KAZN: variants seen among roughly 807,000 people sequenced by gnomAD.
KAZN encodes kazrin.
Under a neutral mutation model 87.4 loss-of-function variants are expected in KAZN, and 40 were observed. That is an observed-to-expected ratio of 0.46 (90% confidence interval 0.36 to 0.60). The LOEUF (loss-of-function observed/expected upper bound fraction) is 0.60, where lower values mean the gene tolerates loss of function less well. Ranked by LOEUF, KAZN falls within the 20% of genes least tolerant of loss-of-function variation. The pLI, the probability that KAZN is intolerant of heterozygous loss-of-function variation, is 0.00. For synonymous variants in KAZN, 466 were observed against 458.3 expected, an observed-to-expected ratio of 1.02 and a Z score of -0.22; for missense variants, 898 against 1,073.9, an observed-to-expected ratio of 0.84 and a Z score of 2.29.
intron 1 of KAZN, among the ~76,000 whole-genome samples, chr1:14,812,269 G>A (rs758938407): frequency 1.3e-5 from 2 of 152,088 alleles, no homozygotes; most frequent in Admixed American, 6.6e-5. Flanking sequence ...CCATGACACG[G>A]GGCTCACAGA....
At chr1:14,906,107 C>T (rs1038772650) in intron 1 of KAZN, among the ~76,000 whole-genome samples, 5 of 151,288 alleles carry the variant, frequency 3.3e-5, no homozygotes, top group Non-Finnish European at 7.4e-5. Context: ...GCGGGGCTTG[C>T]AGTGAGCCAA....
intron 2 of KAZN, among the ~76,000 whole-genome samples, chr1:14,303,699 C>T (rs1654718613): frequency 1.3e-5 from 2 of 152,174 alleles, no homozygotes; most frequent in African/African-American, 4.8e-5. Flanking sequence ...TCTCCCTTCC[C>T]ATTTATGCCT....
chr1:14,453,501 T>G (rs867715696), intron 2 of KAZN, among the ~76,000 whole-genome samples: 1 of 152,166 alleles, frequency 6.6e-6, no homozygotes, highest in African/African-American at 2.4e-5. Flanking sequence ...TCTGGGATAC[T>G]ATGGATATAA....
chr1:14,760,455 C>T lies in KAZN; in HGVS notation c.226+161232C>T, dbSNP rs143780348. On this transcript the variant is annotated intron_variant, in intron 1 of 14. Transcript: ENST00000376030. ...TTGCACAGTGACAAACACATAGCAG[C>T]AACTCGGCACTCGCTGGCCCAGTTT... Among the ~76,000 whole-genome samples the T allele has an allele frequency of 1.1e-3, 171 of 152,330 alleles. 1 individual carries two copies. The highest frequency in any genetic ancestry group is 9.6e-3 in the Admixed American group (147 of 15,308).
intron 2 of KAZN, among the ~76,000 whole-genome samples, chr1:14,283,125 T>C (rs1416844025): frequency 6.6e-6 from 1 of 152,184 alleles, no homozygotes; most frequent in African/African-American, 2.4e-5. Context: ...TTCCTTTCTT[T>C]CTTTCTTTGT....
intron 1 of KAZN, among the ~76,000 whole-genome samples, chr1:14,685,668 T>C (rs1572220699): frequency 1.3e-5 from 2 of 152,212 alleles, no homozygotes; most frequent in African/African-American, 4.8e-5. Flanking sequence ...TTAATGAAAC[T>C]AAGGTGAAAA....
chr1:14,994,362 A>G (rs1667667791), intron 2 of KAZN, among the ~76,000 whole-genome samples: 1 of 152,148 alleles, frequency 6.6e-6, no homozygotes, highest in Non-Finnish European at 1.5e-5. Context: ...TGCGCCATAC[A>G]TTGTACCACT....
intron 1 of KAZN, among the ~76,000 whole-genome samples, chr1:14,645,602 C>G (rs1680750493): frequency 6.6e-6 from 1 of 152,156 alleles, no homozygotes; most frequent in Non-Finnish European, 1.5e-5. Flanking sequence ...ATTTTGTATC[C>G]TGAAACTTTG....
chr1:14,222,364 CCT>C (rs1647122716), intron 2 of KAZN, among the ~76,000 whole-genome samples: 1 of 152,158 alleles, frequency 6.6e-6, no homozygotes, highest in South Asian at 2.1e-4. Flanking sequence ...TCCACTCTCC[CCT>C]CTCTTGTATT....
At chr1:14,768,222 A>G (rs1644934879) in intron 1 of KAZN, among the ~76,000 whole-genome samples, 1 of 152,122 alleles carries the variant, frequency 6.6e-6, no homozygotes, top group South Asian at 2.1e-4. Context: ...GGGAAAGAGG[A>G]CTCTATTTAT....
intron 8 of KAZN, among the ~76,000 whole-genome samples, chr1:15,070,636 G>A (rs534471439): frequency 1.7e-4 from 26 of 152,314 alleles, no homozygotes; most frequent in South Asian, 1.7e-3. Flanking sequence ...AGCCTGAACC[G>A]TGGGGGACAT....
intron 2 of KAZN, among the ~76,000 whole-genome samples, chr1:15,028,496 CAG>C (rs1472483473): frequency 6.6e-6 from 1 of 152,202 alleles, no homozygotes. Flanking sequence ...GAGAAAAAAG[CAG>C]AGCTATGAGG....
rs1417223835 is a variant in KAZN at position 14,735,674 on chromosome 1, C to G, written c.226+136451C>G. Among the ~76,000 whole-genome samples the G allele has an allele frequency of 6.6e-6, 1 of 152,180 alleles. No homozygotes were observed. The highest frequency in any genetic ancestry group is 1.5e-5 in the Non-Finnish European group (1 of 68,026). On this transcript the variant is annotated intron_variant, in intron 1 of 14. Transcript: ENST00000376030. This position sits in a 1 kb window ranked among gnomAD's most constrained non-coding sequence, Gnocchi z 4.3. ...AGGAGACACACAAGCTACTTACCGG[C>G]CAGTTTCCATTACTCTCCCGACCTG...
At chr1:14,665,293 T>TG (rs1451153530) in intron 1 of KAZN, among the ~76,000 whole-genome samples, 3 of 146,574 alleles carry the variant, frequency 2.0e-5, no homozygotes, top group Non-Finnish European at 4.5e-5. Flanking sequence ...GGCTGCCTCT[T>TG]TTTTTTTTTA....
intron 2 of KAZN, among the ~76,000 whole-genome samples, chr1:14,209,047 A>G (rs899394641): frequency 3.3e-5 from 5 of 152,200 alleles, no homozygotes; most frequent in African/African-American, 2.4e-5. Flanking sequence ...ATGCTTGTAC[A>G]TTATCTCTGC....
chr1:13,912,279 G>A (rs187235229), intron 1 of KAZN, among the ~76,000 whole-genome samples: 136 of 152,290 alleles, frequency 8.9e-4, no homozygotes, highest in Middle Eastern at 3.4e-3. Context: ...TGCCTAATGA[G>A]TCCGCGGCAG....
At chr1:14,552,791 A>G (rs1486618293) in intron 2 of KAZN, among the ~76,000 whole-genome samples, 6 of 152,226 alleles carry the variant, frequency 3.9e-5, no homozygotes, top group Non-Finnish European at 5.9e-5. Context: ...CAATGGCTTA[A>G]GCATTTTAAA....
intron 1 of KAZN, among the ~76,000 whole-genome samples, chr1:13,996,569 C>T (rs1639527056): frequency 6.6e-6 from 1 of 152,224 alleles, no homozygotes; most frequent in African/African-American, 2.4e-5. Flanking sequence ...CAGCCCAACA[C>T]ACCGGCTGTG....
chr1:14,421,482 C>G (rs1665424515), intron 2 of KAZN, among the ~76,000 whole-genome samples: 1 of 152,012 alleles, frequency 6.6e-6, no homozygotes, highest in African/African-American at 2.4e-5. Flanking sequence ...ATGTACATTC[C>G]CATAAAGACC....
Sources: gnomAD v4.1 joint callset for allele counts (sites outside exome capture counted in the v4.1 genomes callset) on GRCh38, gnomAD v4.1.1 for gene constraint, Gnocchi (gnomAD v3.1) non-coding constraint, MANE v1.5 for transcripts, NCBI Gene and HGNC (gene_info 2026-07-23, HGNC 2026-07-21) for gene names.